Variants in SLC24A2 observed in about 807,000 individuals in gnomAD.
SLC24A2 encodes sodium/potassium/calcium exchanger 2.
Under a neutral mutation model 62.0 loss-of-function variants are expected in SLC24A2, and 36 were observed. That is an observed-to-expected ratio of 0.58 (90% confidence interval 0.44 to 0.77). The LOEUF is 0.77. Ranked by LOEUF, SLC24A2 falls within the 30% of genes least tolerant of loss-of-function variation. SLC24A2 has a pLI of 0.00. For synonymous variants in SLC24A2, 358 were observed against 294.0 expected (o/e 1.22, Z -2.23); for missense variants, 846 against 817.9 (o/e 1.03, Z -0.42).
intron 4 of SLC24A2, among the ~76,000 whole-genome samples, chr9:19,613,271 T>A (rs1817672352): frequency 6.6e-6 from 1 of 152,220 alleles, no homozygotes; most frequent in Admixed American, 6.5e-5. Flanking sequence ...GGTATTCCTT[T>A]CTCTGAAGTC....
In SLC24A2 at chr9:19,632,802, A is replaced by G. The variant is rs74670512; in HGVS notation, c.931-10503T>C. 0.02 allele frequency among the ~76,000 whole-genome samples: 3,091 copies of G among 152,328 alleles called. 53 individuals are homozygous for G. Among genetic ancestry groups the G allele is most frequent in the East Asian group, 0.093 (480 of 5,180 alleles). The stretch of plus-strand genomic sequence containing the variant: ...TTGGTACAATCTATGGAACTCATTC[A>G]GATTTCACCAGTTATATGTGCACCT... On this transcript the variant is annotated intron_variant, in intron 2 of 10. Coordinates refer to ENST00000341998, the MANE Select transcript of SLC24A2 (RefSeq NM_020344.4). The surrounding 1 kb of genome is among the most constrained non-coding windows in gnomAD (Gnocchi z 4.5).
the SLC24A2 span, among the ~76,000 whole-genome samples, chr9:20,019,144 A>G: frequency 1.0e-5 from 1 of 97,692 alleles, no homozygotes; most frequent in Non-Finnish European, 2.0e-5. Flanking sequence ...AAAGAAAGAA[A>G]GAAAGAAAGA....
chr9:20,175,617 T>C, the SLC24A2 span, among the ~76,000 whole-genome samples: 1 of 152,010 alleles, frequency 6.6e-6, no homozygotes, highest in Non-Finnish European at 1.5e-5. Context: ...GTCAAAGTGC[T>C]CTCTGTGGCT....
At chr9:20,148,046 G>A in the SLC24A2 span, among the ~76,000 whole-genome samples, 1 of 151,980 alleles carries the variant, frequency 6.6e-6, no homozygotes, top group African/African-American at 2.4e-5. Context: ...GAGTCAGATG[G>A]GTACTATATG....
the SLC24A2 span, among the ~76,000 whole-genome samples, chr9:20,228,945 A>G: frequency 0.075 from 11,361 of 152,106 alleles, 499 homozygotes; most frequent in Middle Eastern, 0.12. Context: ...GGCCACCAAG[A>G]AGGGTCAATC....
At chr9:20,257,977 G>A in the SLC24A2 span, among the ~76,000 whole-genome samples, 2 of 152,136 alleles carry the variant, frequency 1.3e-5, no homozygotes, top group African/African-American at 2.4e-5. Flanking sequence ...GACCTAACTA[G>A]GAAGAGCAAG....
chr9:20,081,695 A>G, the SLC24A2 span, among the ~76,000 whole-genome samples: 2 of 152,102 alleles, frequency 1.3e-5, no homozygotes, highest in Non-Finnish European at 2.9e-5. Context: ...TTCTCTTCCA[A>G]ATGAATTGTT....
At chr9:19,690,742 T>C (rs537933293) in intron 2 of SLC24A2, among the ~76,000 whole-genome samples, 1 of 152,256 alleles carries the variant, frequency 6.6e-6, no homozygotes, top group Non-Finnish European at 1.5e-5. Context: ...AGTGATTCTG[T>C]AGGCTTTTAT....
the SLC24A2 span, among the ~76,000 whole-genome samples, chr9:19,798,685 G>C: frequency 6.6e-6 from 1 of 151,922 alleles, no homozygotes; most frequent in Non-Finnish European, 1.5e-5. Flanking sequence ...CTAATGTAGA[G>C]AAACACATAT....
At chr9:19,566,656 T>G (rs1339820251) in intron 7 of SLC24A2, among the ~76,000 whole-genome samples, 2 of 152,162 alleles carry the variant, frequency 1.3e-5, no homozygotes, top group African/African-American at 2.4e-5. Context: ...TAAAGGCACA[T>G]GCACGTATGT....
chr9:20,150,279 C>A, the SLC24A2 span, among the ~76,000 whole-genome samples: 1 of 151,942 alleles, frequency 6.6e-6, no homozygotes. Context: ...TCAGAGGATG[C>A]CTGTGGTTCC....
At chr9:19,809,551 G>C in the SLC24A2 span, among the ~76,000 whole-genome samples, 7 of 151,948 alleles carry the variant, frequency 4.6e-5, no homozygotes, top group African/African-American at 1.7e-4. Context: ...CTATAAAATC[G>C]AGCTGCAGAC....
chr9:19,785,593 C>A (rs867684424), intron 2 of SLC24A2, among the ~76,000 whole-genome samples: 4 of 152,310 alleles, frequency 2.6e-5, no homozygotes, highest in Middle Eastern at 6.8e-3. Flanking sequence ...CACATACACA[C>A]TTTCCTATGA....
the SLC24A2 span, among the ~76,000 whole-genome samples, chr9:19,863,903 T>A: frequency 2.0e-5 from 3 of 151,860 alleles, no homozygotes; most frequent in African/African-American, 7.2e-5. Context: ...AACAAAAAGT[T>A]GTTTTTTTAA....
the SLC24A2 span, among the ~76,000 whole-genome samples, chr9:20,065,755 T>A: frequency 6.6e-6 from 1 of 152,338 alleles, no homozygotes; most frequent in South Asian, 2.1e-4. Flanking sequence ...CAGGTCCATA[T>A]GAACCCTGAA....
the SLC24A2 span, among the ~76,000 whole-genome samples, chr9:20,179,332 G>T: frequency 6.6e-6 from 1 of 152,136 alleles, no homozygotes; most frequent in Non-Finnish European, 1.5e-5. Flanking sequence ...ACCAAAGCAC[G>T]CTAGAGAATG....
chr9:20,304,227 T>C, the SLC24A2 span, among the ~76,000 whole-genome samples: 3 of 152,296 alleles, frequency 2.0e-5, no homozygotes, highest in East Asian at 5.8e-4. Flanking sequence ...ATTTCACTGC[T>C]GGATGCTCTG....
the SLC24A2 span, among the ~76,000 whole-genome samples, chr9:20,258,327 C>A: frequency 6.6e-6 from 1 of 152,180 alleles, no homozygotes; most frequent in Non-Finnish European, 1.5e-5. Context: ...CAAAGAGAAA[C>A]ACAGGTGGTT....
At chr9:19,790,843 G>C (rs575607266), upstream of SLC24A2, among the ~76,000 whole-genome samples, 3 of 152,284 alleles carry the variant, frequency 2.0e-5, no homozygotes, top group South Asian at 6.2e-4. Flanking sequence ...ATGGGGTGCG[G>C]AGGGGAATAT....
Sources: gnomAD v4.1 joint callset for allele counts (sites outside exome capture counted in the v4.1 genomes callset) on GRCh38, gnomAD v4.1.1 for gene constraint, Gnocchi (gnomAD v3.1) non-coding constraint, MANE v1.5 for transcripts, NCBI Gene and HGNC (gene_info 2026-07-23, HGNC 2026-07-21) for gene names.